TMEM164: variants seen among roughly 807,000 people sequenced by gnomAD.
The protein encoded by TMEM164 is RP13-360B22.2.
TMEM164 carries 4 observed loss-of-function variants against 18.8 expected under a neutral mutation model. The ratio of observed to expected loss-of-function variants is 0.21; its 90% CI spans 0.10 to 0.49. TMEM164 has a LOEUF of 0.49. TMEM164 is among the 20% of genes least tolerant of loss of function. The pLI is 0.98. For synonymous variants in TMEM164, 86 were observed against 101.7 expected (o/e 0.85, Z 0.93); for missense variants, 108 against 239.9 (o/e 0.45, Z 3.63).
At chrX:110,073,513 A>G (rs1344901015) in intron 3 of TMEM164, among the ~76,000 whole-genome samples, 1 of 112,096 alleles carries the variant, frequency 8.9e-6, no homozygotes, top group African/African-American at 3.2e-5. Flanking sequence ...ATACTATTCC[A>G]TGGTATACAT....
At chrX:110,037,956 G>A (rs897310812) in intron 2 of TMEM164, among the ~76,000 whole-genome samples, 12 of 104,765 alleles carry the variant, frequency 1.1e-4, no homozygotes, top group African/African-American at 2.8e-4. Context: ...ATTAACTATC[G>A]TATTCCTAAA....
In TMEM164 at chrX:110,173,460, A is replaced by ATT. The variant is rs34813944; in HGVS notation, c.*22_*23dup. ...CCAAGAAAATAGACTGAAGGTGCTT[A>ATT]TTTTTTTTTTTTTTCCTCCCTGAGG... is the stretch of plus-strand genomic sequence containing the variant. On this transcript the variant is annotated 3_prime_UTR_variant, in exon 7 of 7. Transcript: ENST00000372068. 345 of 1,051,532 alleles carry ATT rather than the reference A, an allele frequency of 3.3e-4. No individual in the cohort carries two copies. In the African/African-American group the frequency reaches 5.2e-3, roughly 16 times the overall value. The allele number at this position is 1,051,532 out of a possible 1,213,427, so 86.7% of individuals were successfully genotyped here.
chrX:110,063,378 T>C (rs927140930), intron 2 of TMEM164, among the ~76,000 whole-genome samples: 7 of 111,255 alleles, frequency 6.3e-5, no homozygotes, highest in Non-Finnish European at 1.3e-4. Flanking sequence ...AACACTGGGG[T>C]GGAGCAGAAG....
chrX:110,142,803 A>G (rs1286011591), intron 4 of TMEM164, among the ~76,000 whole-genome samples: 1 of 113,311 alleles, frequency 8.8e-6, no homozygotes, highest in Non-Finnish European at 1.9e-5. Flanking sequence ...CAGCTTTGAC[A>G]TACTCCAAAG....
Position 110,176,389 on chromosome X carries a change from C to T in TMEM164, c.*2938C>T. On this transcript the variant is annotated 3_prime_UTR_variant, in exon 7 of 7. Transcript: ENST00000372068. ...GCACAACAGTAACATGTTCCTCTGT[C>T]AGCCTGTGAAGGCATGCAGGGTTCT... 3 of 756,778 alleles carry T rather than the reference C, an allele frequency of 4.0e-6. No individual in the cohort carries two copies. The highest frequency in any genetic ancestry group is 4.7e-6 in the Non-Finnish European group (3 of 639,636). The allele number at this position is 756,778 out of a possible 1,213,427, so 62.4% of individuals were successfully genotyped here.
chrX:110,093,205 C>A (rs1439735859), intron 3 of TMEM164, among the ~76,000 whole-genome samples: 6 of 111,882 alleles, frequency 5.4e-5, no homozygotes, highest in African/African-American at 1.6e-4. Context: ...GCTTTGGTAT[C>A]AGGATGATGC....
At chrX:110,058,911 G>A (rs754745613) in intron 2 of TMEM164, among the ~76,000 whole-genome samples, 30 of 109,892 alleles carry the variant, frequency 2.7e-4, no homozygotes, top group African/African-American at 8.6e-4. Flanking sequence ...GATTACAGGT[G>A]TGAGCCACCA....
intron 3 of TMEM164, among the ~76,000 whole-genome samples, chrX:110,098,920 C>G (rs1414933578): frequency 4.3e-4 from 45 of 104,765 alleles, no homozygotes; most frequent in Non-Finnish European, 8.2e-4. Flanking sequence ...GTAGCTGGGA[C>G]TACAAGGCAC....
At chrX:110,072,318 G>C (rs1246368661) in intron 3 of TMEM164, among the ~76,000 whole-genome samples, 1 of 90,214 alleles carries the variant, frequency 1.1e-5, no homozygotes, top group Non-Finnish European at 2.3e-5. Context: ...AAAAAAAAAA[G>C]AAATTATGTA....
At chrX:110,008,684 A>C (rs1027563799) in intron 2 of TMEM164, among the ~76,000 whole-genome samples, 3 of 111,627 alleles carry the variant, frequency 2.7e-5, no homozygotes, top group Non-Finnish European at 5.6e-5. Flanking sequence ...AGGCAGCCCC[A>C]GGATTTAAAA....
chrX:110,121,675 C>G (rs2066451781), intron 4 of TMEM164, among the ~76,000 whole-genome samples: 1 of 112,185 alleles, frequency 8.9e-6, no homozygotes, highest in Admixed American at 9.4e-5. Context: ...ATAAAGCTAT[C>G]TGTTTGTCTG....
intron 2 of TMEM164, among the ~76,000 whole-genome samples, chrX:110,012,156 A>G (rs1299977707): frequency 8.9e-6 from 1 of 112,168 alleles, no homozygotes; most frequent in African/African-American, 3.2e-5. Context: ...CAACCAGTAG[A>G]TGCTTTTTAG....
chrX:110,065,295 A>G (rs1936288856), intron 2 of TMEM164: 1 of 111,664 alleles, frequency 9.0e-6, no homozygotes, highest in South Asian at 3.7e-4. Flanking sequence ...TGTGGTGCCC[A>G]GTGTTGCATT....
At chrX:110,015,912 G>T (rs777523205) in intron 2 of TMEM164, among the ~76,000 whole-genome samples, 3 of 112,753 alleles carry the variant, frequency 2.7e-5, no homozygotes, top group African/African-American at 9.7e-5. Flanking sequence ...TGCATGTGGG[G>T]TTTCTGGCCA....
chrX:110,169,850 G>A, intron 5 of TMEM164, among the ~76,000 whole-genome samples: 1 of 111,331 alleles, frequency 9.0e-6, no homozygotes, highest in Non-Finnish European at 1.9e-5. Context: ...TTTAGAAGGG[G>A]TGTGGGCTTT....
chrX:110,034,822 A>C (rs1424609133), intron 2 of TMEM164, among the ~76,000 whole-genome samples: 1 of 102,991 alleles, frequency 9.7e-6, no homozygotes, highest in Non-Finnish European at 2.0e-5. Flanking sequence ...AACCAACCCA[A>C]ATGTCCAACA....
intron 2 of TMEM164, chrX:110,020,387 C>G (rs1239585610): frequency 1.3e-6 from 1 of 752,447 alleles, no homozygotes; most frequent in Non-Finnish European, 1.6e-6. Context: ...GTCCAGCAGG[C>G]TATTAAGATG....
chrX:110,127,449 G>C (rs1473701537), intron 4 of TMEM164, among the ~76,000 whole-genome samples: 2 of 111,791 alleles, frequency 1.8e-5, no homozygotes, highest in African/African-American at 3.3e-5. Flanking sequence ...GGAGGCGGAG[G>C]TTGTGGTGAG....
At chrX:110,044,756 T>C (rs1480109728) in intron 2 of TMEM164, among the ~76,000 whole-genome samples, 2 of 108,758 alleles carry the variant, frequency 1.8e-5, no homozygotes, top group African/African-American at 6.7e-5. Flanking sequence ...TGGCCTGATA[T>C]GTCAGTTTTC....
Sources: allele counts gnomAD v4.1 joint callset (sites outside exome capture counted in the v4.1 genomes callset), GRCh38; gene constraint gnomAD v4.1.1; transcripts MANE v1.5; gene names NCBI Gene and HGNC (gene_info 2026-07-23, HGNC 2026-07-21).